HELZ: variants seen among roughly 807,000 people sequenced by gnomAD.
The protein encoded by HELZ is ATP-dependent RNA helicase with zinc finger domain.
A neutral mutation model predicts 218.2 loss-of-function variants in HELZ; 23 were observed. That is an observed-to-expected ratio of 0.11 (90% CI 0.08 to 0.15). The LOEUF (loss-of-function observed/expected upper bound fraction) is 0.15, where lower values mean the gene tolerates loss of function less well. HELZ is among the 10% of genes least tolerant of loss of function. The pLI, the probability that HELZ is intolerant of heterozygous loss-of-function variation, is 1.00. For synonymous variants in HELZ, 814 were observed against 829.4 expected (o/e 0.98, Z 0.32); for missense variants, 1,813 against 2,353.7 (o/e 0.77, Z 4.75).
Position 67,190,268 on chromosome 17 carries a change from A to G in HELZ, c.645T>C (p.Tyr215=), listed in dbSNP as rs1463852648. Residue 215 remains tyrosine (Y), a synonymous_variant, in exon 10 of 33, where the codon TAT becomes TAC. Coordinates refer to ENST00000358691, the MANE Select transcript of HELZ (RefSeq NM_014877.4). The part of the protein sequence containing the change: ...QEELAEWQKR[Y]ASRLIKLKQQ... ...GTTTCAATTTTATCAGCCGTGAAGC[A>G]TATCTTTTCTGCCATTCTGCTAGTT... is the stretch of plus-strand genomic sequence containing the variant. 3.1e-6 allele frequency: 5 copies of G among 1,613,910 alleles called. No homozygotes were observed. The highest frequency in any genetic ancestry group is 2.2e-5 in the East Asian group (1 of 44,888).
intron 20 of HELZ, 45 bp downstream of exon 20, chr17:67,148,524 T>C (rs374918944): frequency 6.4e-7 from 1 of 1,570,312 alleles, no homozygotes; most frequent in Non-Finnish European, 8.7e-7. Flanking sequence ...CCTCCTACTA[T>C]CAGACCAACG....
At chr17:67,129,400 A>G (rs768099013) in intron 23 of HELZ, among the ~76,000 whole-genome samples, 1 of 152,100 alleles carries the variant, frequency 6.6e-6, no homozygotes, top group African/African-American at 2.4e-5. Flanking sequence ...ACACATAGAT[A>G]CCACATGTAT....
intron 27 of HELZ, 21 bp downstream of exon 27, chr17:67,120,384 G>C: frequency 1.3e-6 from 2 of 1,595,202 alleles, no homozygotes; most frequent in African/African-American, 1.3e-5. Context: ...ATGAACAGGA[G>C]AACAGCGAAG....
intron 7 of HELZ, among the ~76,000 whole-genome samples, chr17:67,198,847 C>T (rs1211072588): frequency 6.6e-6 from 1 of 152,106 alleles, no homozygotes; most frequent in Non-Finnish European, 1.5e-5. Flanking sequence ...AATATCAATT[C>T]ACTAACCAAA....
intron 30 of HELZ, among the ~76,000 whole-genome samples, chr17:67,107,902 G>A (rs2037158260): frequency 6.6e-6 from 1 of 152,136 alleles, no homozygotes; most frequent in Admixed American, 6.5e-5. Context: ...TGTTCCCATT[G>A]TATTAAAAAC....
rs2039527627 is a variant in HELZ, at chr17:67,178,814, C to T, written c.1275G>A (p.Glu425=). The change falls in exon 13 of 33, where the codon GAG becomes GAA. Residue 425 remains glutamate (E), a synonymous_variant. Coordinates refer to ENST00000358691, the MANE Select transcript of HELZ (RefSeq NM_014877.4). ...DFEPNETTDL[E]KSLLIRYQIP... is the part of the protein sequence containing the mutation. ...TTTGGTATCTGATAAGAAGGCTCTTCTCCAAATCAGTAGTTTCATTAGGTT... is the reference window on the plus strand; with the variant it reads ...TTTGGTATCTGATAAGAAGGCTCTTTTCCAAATCAGTAGTTTCATTAGGTT... 6.2e-7 allele frequency: 1 copy of T among 1,613,824 alleles called. No homozygotes were observed. The highest frequency in any genetic ancestry group is 8.5e-7 in the Non-Finnish European group (1 of 1,179,806).
intron 17 of HELZ, 142 bp downstream of exon 17, chr17:67,160,117 AAC>A: frequency 1.7e-6 from 1 of 589,910 alleles, no homozygotes; most frequent in Admixed American, 3.2e-5. Flanking sequence ...CCTTAATTTA[AAC>A]AGTTTCTTCA....
intron 2 of HELZ, among the ~76,000 whole-genome samples, chr17:67,243,042 A>G: frequency 6.6e-6 from 1 of 152,200 alleles, no homozygotes; most frequent in East Asian, 1.9e-4. Context: ...AAAACTCGTG[A>G]AAAATGTAAA....
chr17:67,149,999 C>A lies in HELZ; in HGVS notation c.2357-14G>T. ...GTGTAAAAAACCCTAGAAAATGCAGCATAAACACAGGATAGCACGCTAGAG... is the reference window on the plus strand; with the variant it reads ...GTGTAAAAAACCCTAGAAAATGCAGAATAAACACAGGATAGCACGCTAGAG... On this transcript the variant is annotated splice_polypyrimidine_tract_variant and intron_variant, in intron 18 of 32. Transcript: ENST00000358691. 6.5e-7 allele frequency: 1 copy of A among 1,531,752 alleles called. No homozygotes were observed. The allele number at this position is 1,531,752 out of a possible 1,614,324, so 94.9% of individuals were successfully genotyped here.
chr17:67,221,523 T>G (rs1246199827), intron 3 of HELZ, among the ~76,000 whole-genome samples: 3 of 152,204 alleles, frequency 2.0e-5, no homozygotes, highest in African/African-American at 7.2e-5. Context: ...AAAATCTTTC[T>G]TAGGAATGAG....
At chr17:67,195,535 A>C in intron 7 of HELZ, 65 bp from the exon 8 acceptor site, 1 of 872,506 alleles carries the variant, frequency 1.1e-6, no homozygotes, top group Non-Finnish European at 1.9e-6. Context: ...CTAAACTTGA[A>C]CATTTTCAAT....
In HELZ at chr17:67,229,000, G is replaced by A. The variant is rs368417264; in HGVS notation, c.-18-10178C>T. Among the ~76,000 whole-genome samples the A allele has an allele frequency of 7.9e-5, 12 of 152,232 alleles. No homozygotes were observed. In the East Asian group the frequency reaches 9.7e-4, roughly 12 times the overall value. On this transcript the variant is annotated intron_variant, in intron 3 of 32. Transcript: ENST00000358691. ...CCCAAAGTGCTGGGATTACAGGCAT[G>A]AGCCACTGCACCCAGCTGATACATA...
chr17:67,086,621 T>TATAAATATATATATATATAAAA (rs1555594141), intron 32 of HELZ, among the ~76,000 whole-genome samples: 96 of 48,334 alleles, frequency 2.0e-3, no homozygotes, highest in South Asian at 0.011. Flanking sequence ...TATAAATAAA[T>TATAAATATATATATATATAAAA]ATAAATATAA....
At chr17:67,146,232 T>C (rs1315694667) in intron 20 of HELZ, among the ~76,000 whole-genome samples, 1 of 152,232 alleles carries the variant, frequency 6.6e-6, no homozygotes, top group African/African-American at 2.4e-5. Flanking sequence ...CATACAATCA[T>C]GTACCACATA....
Position 67,077,970 on chromosome 17 carries a change from C to A in HELZ, c.*282G>T. 1.2e-5 allele frequency: 2 copies of A among 171,382 alleles called. No individual in the cohort carries two copies. Among genetic ancestry groups the A allele is most frequent in the Non-Finnish European group, 2.3e-5 (2 of 85,658 alleles). 10.6% of individuals were successfully genotyped at this position (171,382 alleles called of 1,614,324 possible). A position where few individuals can be genotyped will look rare whatever the true frequency, so the allele number is the denominator to read the frequency against. On this transcript the variant is annotated 3_prime_UTR_variant, in exon 33 of 33. Coordinates refer to ENST00000358691, the MANE Select transcript of HELZ (RefSeq NM_014877.4). ...TTTTTTATAGTTGCACAATTAACCTCTTGGCTGCTAGCTTGATGCAAACAT... is the reference window on the plus strand; with the variant it reads ...TTTTTTATAGTTGCACAATTAACCTATTGGCTGCTAGCTTGATGCAAACAT...
chr17:67,223,857 C>T (rs967299500), intron 3 of HELZ, among the ~76,000 whole-genome samples: 3 of 152,224 alleles, frequency 2.0e-5, no homozygotes, highest in Non-Finnish European at 2.9e-5. Context: ...TGTGACTTCA[C>T]AAGCAAGAAA....
At position 67,150,118 on chromosome 17, in the gene HELZ, T is replaced by C. The variant is rs763546057; in HGVS notation, c.2357-133A>G. 16 of 543,520 alleles carry C rather than the reference T, an allele frequency of 2.9e-5. 1 individual carries two copies. The highest frequency in any genetic ancestry group is 6.5e-5 in the Admixed American group (2 of 30,878). The allele number at this position is 543,520 out of a possible 1,614,324, so 33.7% of individuals were successfully genotyped here. A position where few individuals can be genotyped will look rare whatever the true frequency, so the allele number is the denominator to read the frequency against. On this transcript the variant is annotated intron_variant, in intron 18 of 32. Transcript: ENST00000358691. ...TAAGAGTATTGAGTACTTTTATTTA[T>C]TTATTTTCTTTCTTTTTTTTTTTTT...
intron 31 of HELZ, among the ~76,000 whole-genome samples, chr17:67,090,919 GAATTT>G (rs1172777929): frequency 6.6e-6 from 1 of 151,800 alleles, no homozygotes; most frequent in Non-Finnish European, 1.5e-5. Context: ...TGCTTGATTT[GAATTT>G]ATTTTGCTCT....
chr17:67,213,852 G>A (rs1252378709), intron 5 of HELZ, among the ~76,000 whole-genome samples: 1 of 152,148 alleles, frequency 6.6e-6, no homozygotes, highest in Non-Finnish European at 1.5e-5. Context: ...GCAGGAATTG[G>A]AGCCAGTGTA....
Sources: gnomAD v4.1 joint callset for allele counts (sites outside exome capture counted in the v4.1 genomes callset) on GRCh38, gnomAD v4.1.1 for gene constraint, MANE v1.5 for transcripts, NCBI Gene and HGNC (gene_info 2026-07-23, HGNC 2026-07-21) for gene names.